The following NRG3 variants were observed in gnomAD, a reference collection of about 807,000 sequenced individuals.
NRG3 encodes neuregulin 3.
A neutral mutation model predicts 66.9 loss-of-function variants in NRG3; 31 were observed. The observed-to-expected ratio is 0.46, with a 90% CI of 0.35 to 0.63. NRG3 has a LOEUF of 0.63. Ranked by LOEUF, NRG3 falls within the 20% of genes least tolerant of loss-of-function variation. The pLI, the probability that NRG3 is intolerant of heterozygous loss-of-function variation, is 0.00. For synonymous variants in NRG3, 393 were observed against 359.4 expected (o/e 1.09, Z -1.06); for missense variants, 910 against 878.9 (o/e 1.04, Z -0.45).
At chr10:82,763,387 C>G (rs2059399611) in intron 3 of NRG3, among the ~76,000 whole-genome samples, 1 of 151,816 alleles carries the variant, frequency 6.6e-6, no homozygotes, top group Admixed American at 6.6e-5. Context: ...AAGTACTTTC[C>G]TCATATAATG....
chr10:82,160,006 C>T (rs2071465468), intron 1 of NRG3, among the ~76,000 whole-genome samples: 1 of 151,824 alleles, frequency 6.6e-6, no homozygotes, highest in Admixed American at 6.6e-5. Context: ...AGCTGAGCCT[C>T]AAGGATCCTA....
intron 2 of NRG3, among the ~76,000 whole-genome samples, chr10:82,527,949 G>C (rs1360669389): frequency 6.6e-6 from 1 of 151,880 alleles, no homozygotes; most frequent in Non-Finnish European, 1.5e-5. Flanking sequence ...AGTGAGGGCT[G>C]GGGGTGGGGG....
chr10:82,545,671 G>A (rs1249886792), intron 2 of NRG3, among the ~76,000 whole-genome samples: 1 of 151,406 alleles, frequency 6.6e-6, no homozygotes, highest in African/African-American at 2.4e-5. Context: ...GTGAGCCACC[G>A]TGCCCAGCCG....
intron 1 of NRG3, among the ~76,000 whole-genome samples, chr10:82,037,265 C>G (rs1360285478): frequency 6.6e-6 from 1 of 152,166 alleles, no homozygotes; most frequent in African/African-American, 2.4e-5. Flanking sequence ...GGCACTAGGG[C>G]TGGCCAAACA....
At position 82,731,382 on chromosome 10, in the gene NRG3, A is replaced by AAAAG. The variant is rs1565252254; in HGVS notation, c.954-7192_954-7191insGAAA. On this transcript the variant is annotated intron_variant, in intron 2 of 8. Transcript: ENST00000372141. ...ACTCTGTCTCAAAAAAAAAAAAAAA[A>AAAAG]AAAAGAAAATGTCATTAGTCTTTGA... 8.2e-5 allele frequency among the ~76,000 whole-genome samples: 12 copies of AAAAG among 145,946 alleles called. 1 individual carries two copies. The highest frequency in any genetic ancestry group is 2.0e-4 in the East Asian group (1 of 4,890).
intron 3 of NRG3, among the ~76,000 whole-genome samples, chr10:82,793,264 G>T (rs144381141): frequency 2.0e-5 from 3 of 152,160 alleles, no homozygotes; most frequent in African/African-American, 2.4e-5. Flanking sequence ...GGAGTTTGTT[G>T]TGTTTCATTT....
chr10:82,364,423 G>A (rs1185757294), intron 2 of NRG3, among the ~76,000 whole-genome samples: 3 of 152,152 alleles, frequency 2.0e-5, no homozygotes, highest in Non-Finnish European at 4.4e-5. Flanking sequence ...AAATAAGTCA[G>A]CAGAAACACT....
chr10:82,417,537 G>C (rs888119916), intron 2 of NRG3, among the ~76,000 whole-genome samples: 2 of 152,150 alleles, frequency 1.3e-5, no homozygotes, highest in Admixed American at 1.3e-4. Flanking sequence ...ACCACTTATT[G>C]AGTACTTCTT....
chr10:82,048,082 C>T (rs1456998428), intron 1 of NRG3, among the ~76,000 whole-genome samples: 3 of 151,384 alleles, frequency 2.0e-5, no homozygotes, highest in Admixed American at 1.3e-4. Flanking sequence ...AATACAGGAG[C>T]ACCCAGTTTC....
intron 3 of NRG3, among the ~76,000 whole-genome samples, chr10:82,825,030 A>G (rs140494158): frequency 1.3e-3 from 192 of 152,162 alleles, no homozygotes; most frequent in African/African-American, 4.2e-3. Context: ...ATTTTTTATT[A>G]TTGAGTTGTC....
chr10:81,894,941 A>T (rs1160770968), intron 1 of NRG3, among the ~76,000 whole-genome samples: 1 of 152,176 alleles, frequency 6.6e-6, no homozygotes, highest in African/African-American at 2.4e-5. Context: ...AGGTGGGTGA[A>T]CATCAAATCA....
intron 1 of NRG3, among the ~76,000 whole-genome samples, chr10:81,950,806 A>G (rs1408537117): frequency 6.6e-6 from 1 of 152,218 alleles, no homozygotes; most frequent in Admixed American, 6.5e-5. Flanking sequence ...TTATGGAAAG[A>G]ATGATACATT....
chr10:82,707,001 A>AAAT (rs1565223156), intron 2 of NRG3, among the ~76,000 whole-genome samples: 3 of 145,222 alleles, frequency 2.1e-5, no homozygotes, highest in African/African-American at 5.2e-5. Flanking sequence ...CTCAAAAAAA[A>AAAT]AAAATAAAAT....
intron 1 of NRG3, among the ~76,000 whole-genome samples, chr10:82,343,458 G>T (rs549359115): frequency 6.6e-6 from 1 of 152,156 alleles, no homozygotes; most frequent in Non-Finnish European, 1.5e-5. Flanking sequence ...TCATTAAAAT[G>T]ACTGTACTGC....
chr10:82,349,009 T>C (rs1289714056), intron 1 of NRG3, among the ~76,000 whole-genome samples: 4 of 152,242 alleles, frequency 2.6e-5, no homozygotes, highest in Middle Eastern at 6.8e-3. Context: ...TGCCTTTGGT[T>C]TGAATGTCCT....
intron 1 of NRG3, among the ~76,000 whole-genome samples, chr10:82,135,018 C>T (rs1051930060): frequency 3.4e-5 from 5 of 149,060 alleles, no homozygotes; most frequent in Middle Eastern, 3.2e-3. Flanking sequence ...CCCAGCTACT[C>T]GGGAGGCTGA....
At chr10:82,965,933 C>A (rs923515197) in intron 6 of NRG3, among the ~76,000 whole-genome samples, 1 of 151,960 alleles carries the variant, frequency 6.6e-6, no homozygotes, top group Non-Finnish European at 1.5e-5. Flanking sequence ...TCTCTCAATT[C>A]TTTTTGTTTA....
At chr10:82,263,787 C>T (rs758281634) in intron 1 of NRG3, among the ~76,000 whole-genome samples, 11 of 152,104 alleles carry the variant, frequency 7.2e-5, no homozygotes, top group Non-Finnish European at 1.3e-4. Flanking sequence ...CACTAGTATT[C>T]ACAAGCCAAA....
At chr10:82,761,973 TTTTCTTTCTTTC>T (rs1469408524) in intron 3 of NRG3, among the ~76,000 whole-genome samples, 2 of 115,330 alleles carry the variant, frequency 1.7e-5, no homozygotes, top group African/African-American at 3.2e-5. Context: ...TCTTTCTTTC[TTTTCTTTCTTTC>T]TTCTTTCTTT....
Sources: gnomAD v4.1 joint callset for allele counts (sites outside exome capture counted in the v4.1 genomes callset) on GRCh38, gnomAD v4.1.1 for gene constraint, MANE v1.5 for transcripts, NCBI Gene and HGNC (gene_info 2026-07-23, HGNC 2026-07-21) for gene names.